PREP: variants seen among roughly 807,000 people sequenced by gnomAD.
PREP encodes dJ355L5.1 (prolyl endopeptidase).
A neutral mutation model predicts 87.6 loss-of-function variants in PREP; 29 were observed. The ratio of observed to expected loss-of-function variants is 0.33; its 90% CI spans 0.25 to 0.45. The LOEUF (loss-of-function observed/expected upper bound fraction) is 0.45, where lower values mean the gene tolerates loss of function less well. Ranked by LOEUF, PREP falls within the 20% of genes least tolerant of loss-of-function variation. The pLI, the probability that PREP is intolerant of heterozygous loss-of-function variation, is 1.00. For synonymous variants in PREP, 337 were observed against 328.6 expected, an observed-to-expected ratio of 1.03 and a Z score of -0.28; for missense variants, 695 against 886.5, an observed-to-expected ratio of 0.78 and a Z score of 2.74.
chr6:105,281,161 A>G (rs1284321122), intron 14 of PREP: 1 of 152,276 alleles, frequency 6.6e-6, no homozygotes, highest in Non-Finnish European at 1.5e-5. Flanking sequence ...AACTCTGGAA[A>G]AAACCTACTT....
chr6:105,290,347 C>T (rs1347579450), intron 10 of PREP, among the ~76,000 whole-genome samples: 2 of 152,172 alleles, frequency 1.3e-5, no homozygotes, highest in African/African-American at 4.8e-5. Context: ...CAGCACTATA[C>T]CCGCAGAGGC....
intron 2 of PREP, among the ~76,000 whole-genome samples, chr6:105,397,185 C>CCAAAAAA (rs775026045): frequency 0.26 from 22,745 of 86,116 alleles, 2,836 homozygotes; most frequent in African/African-American, 0.43. Context: ...ACTCTGTCTA[C>CCAAAAAA]AAAAAAAAAA....
chr6:105,322,734 T>G, intron 10 of PREP: 1 of 1,013,650 alleles, frequency 9.9e-7, no homozygotes, highest in African/African-American at 1.7e-5. Flanking sequence ...GAACAGGGGC[T>G]GATAAATCAT....
At chr6:105,310,449 T>A (rs1217894563) in intron 10 of PREP, among the ~76,000 whole-genome samples, 1 of 152,202 alleles carries the variant, frequency 6.6e-6, no homozygotes, top group Non-Finnish European at 1.5e-5. Context: ...AGTGCTCTTA[T>A]CAATATCACC....
At chr6:105,303,255 G>T (rs1473607726) in intron 10 of PREP, among the ~76,000 whole-genome samples, 1 of 151,992 alleles carries the variant, frequency 6.6e-6, no homozygotes, top group Non-Finnish European at 1.5e-5. Flanking sequence ...GTAGAGACAT[G>T]GGTCTCATTA....
chr6:105,281,978 T>A (rs1770091970), intron 13 of PREP, 76 bp from the exon 14 acceptor site: 1 of 1,514,346 alleles, frequency 6.6e-7, no homozygotes, highest in African/African-American at 1.4e-5. Context: ...AGGCAATACT[T>A]ACTTACATGC....
In PREP at chr6:105,322,764, C is replaced by CCCA. The variant is rs1350190616; in HGVS notation, c.1317+898_1317+900dup. 4 of 1,048,340 alleles carry CCCA rather than the reference C, an allele frequency of 3.8e-6. No homozygotes were observed. In the African/African-American group the frequency reaches 6.7e-5, roughly 18 times the overall value. 64.9% of individuals were successfully genotyped at this position (1,048,340 alleles called of 1,614,324 possible). On this transcript the variant is annotated intron_variant, in intron 10 of 14. Coordinates refer to ENST00000652536, the MANE Select transcript of PREP (RefSeq NM_002726.5). ...AATCATAGCTCTACACCAAATCCAG[C>CCCA]CCACCACCTGTTTTAGTAAACAAAG...
intron 10 of PREP, among the ~76,000 whole-genome samples, chr6:105,300,670 C>G (rs774050284): frequency 6.6e-6 from 1 of 151,278 alleles, no homozygotes; most frequent in Non-Finnish European, 1.5e-5. Context: ...ATATAAAGTA[C>G]ATAAGTCTAA....
At chr6:105,285,377 A>G (rs1770170593) in intron 12 of PREP, 109 bp downstream of exon 12, 1 of 1,093,236 alleles carries the variant, frequency 9.1e-7, no homozygotes, top group Admixed American at 2.1e-5. Flanking sequence ...TCGTCTAGCC[A>G]AAAAGCTTTC....
rs192333458 is a variant in PREP at position 105,323,916 on chromosome 6, C to T, written c.1214-148G>A. 1.0e-5 allele frequency: 7 copies of T among 687,460 alleles called. No homozygotes were observed. In the African/African-American group the frequency reaches 1.2e-4, roughly 12 times the overall value. 42.6% of individuals were successfully genotyped at this position (687,460 alleles called of 1,614,324 possible). A position where few individuals can be genotyped will look rare whatever the true frequency, so the allele number is the denominator to read the frequency against. ...TTAATCCCCACCACAGTCGAAGGCT[C>T]ACTGCAGACAAGTGCTTAGAACAGA... On this transcript the variant is annotated intron_variant, in intron 9 of 14. Transcript: ENST00000652536.
chr6:105,371,197 C>T (rs1420896678), intron 5 of PREP, among the ~76,000 whole-genome samples: 1 of 152,122 alleles, frequency 6.6e-6, no homozygotes, highest in East Asian at 1.9e-4. Context: ...AAAAACTAAA[C>T]TTTACTTTTT....
Position 105,277,266 on chromosome 6 carries a change from A to G in PREP, c.*878T>C, listed in dbSNP as rs1405178173. ...AAATGCTGAAATTTCTGACTGTAAG[A>G]AATGCTTGGATATATGTATCTGTTT... is the stretch of plus-strand genomic sequence containing the variant. On this transcript the variant is annotated 3_prime_UTR_variant, in exon 15 of 15. Coordinates refer to ENST00000652536, the MANE Select transcript of PREP (RefSeq NM_002726.5). 6.6e-6 allele frequency among the ~76,000 whole-genome samples: 1 copy of G among 151,020 alleles called. No individual in the cohort carries two copies. Among genetic ancestry groups the G allele is most frequent in the African/African-American group, 2.5e-5 (1 of 40,560 alleles).
chr6:105,300,071 A>G (rs1035503239), intron 10 of PREP, among the ~76,000 whole-genome samples: 1 of 152,186 alleles, frequency 6.6e-6, no homozygotes, highest in Admixed American at 6.5e-5. Context: ...TAACTTTGGT[A>G]TTTTTAGTAG....
intron 2 of PREP, among the ~76,000 whole-genome samples, chr6:105,383,590 T>C (rs571174078): frequency 1.3e-5 from 2 of 152,298 alleles, no homozygotes; most frequent in Admixed American, 6.5e-5. Flanking sequence ...AAAGGGCTCA[T>C]AGTAAGCTTC....
At position 105,376,101 on chromosome 6, in the gene PREP, C is replaced by T. The variant is rs560711435; in HGVS notation, c.385+24G>A. The T allele has an allele frequency of 2.0e-5, 32 of 1,603,500 alleles. No homozygotes were observed. The South Asian group carries it at 2.3e-4, about 11-fold the overall frequency. On this transcript the variant is annotated intron_variant, in intron 4 of 14. Transcript: ENST00000652536. ...CCAAGTGAGGGTCTTAGGAGTTCCA[C>T]GGGCCTCTCTGTGTAGCACTTACCT...
chr6:105,285,369 G>C, intron 12 of PREP, 117 bp downstream of exon 12: 1 of 916,622 alleles, frequency 1.1e-6, no homozygotes, highest in Non-Finnish European at 1.7e-6. Context: ...TTTTTCATTC[G>C]TCTAGCCAAA....
At chr6:105,281,529 T>C in intron 14 of PREP, 1 of 507,090 alleles carries the variant, frequency 2.0e-6, no homozygotes, top group Non-Finnish European at 3.4e-6. Flanking sequence ...AGGCCATCTG[T>C]AGAATTCTGC....
chr6:105,388,451 A>ATT (rs1773056892), intron 2 of PREP, among the ~76,000 whole-genome samples: 2 of 149,534 alleles, frequency 1.3e-5, no homozygotes, highest in Non-Finnish European at 3.0e-5. Context: ...TTGCATCAAA[A>ATT]ACCGTATTAC....
At chr6:105,370,859 T>C (rs1011767311) in intron 5 of PREP, among the ~76,000 whole-genome samples, 4 of 152,098 alleles carry the variant, frequency 2.6e-5, no homozygotes, top group Admixed American at 6.5e-5. Context: ...CTGCCAAAGA[T>C]TGGGGTGAGA....
Sources: allele counts gnomAD v4.1 joint callset (sites outside exome capture counted in the v4.1 genomes callset), GRCh38; gene constraint gnomAD v4.1.1; transcripts MANE v1.5; gene names NCBI Gene and HGNC (gene_info 2026-07-23, HGNC 2026-07-21).